Variants in WDR7 observed in about 807,000 individuals in gnomAD.
WDR7 encodes WD repeat-containing protein 7.
In WDR7, 46 loss-of-function variants were observed where a neutral mutation model predicts 169.4. That is an observed-to-expected ratio of 0.27 (90% CI 0.21 to 0.35). The LOEUF (loss-of-function observed/expected upper bound fraction) is 0.35, where lower values mean the gene tolerates loss of function less well. WDR7 is among the 10% of genes least tolerant of loss of function. The pLI is 1.00. For synonymous variants in WDR7, 612 were observed against 666.8 expected (o/e 0.92, Z 1.27); for missense variants, 1,534 against 1,859.3 (o/e 0.83, Z 3.22).
At chr18:56,868,005 G>T (rs2045905353) in intron 20 of WDR7, among the ~76,000 whole-genome samples, 1 of 152,018 alleles carries the variant, frequency 6.6e-6, no homozygotes, top group African/African-American at 2.4e-5. Context: ...ATAGAAAAAG[G>T]TCTATGAAAA....
At chr18:56,837,031 G>C (rs2045407317) in intron 20 of WDR7, among the ~76,000 whole-genome samples, 1 of 152,178 alleles carries the variant, frequency 6.6e-6, no homozygotes, top group Non-Finnish European at 1.5e-5. Flanking sequence ...TCAAGTTTAT[G>C]AGCTGACATC....
chr18:56,673,999 C>T (rs1266253376), intron 2 of WDR7, among the ~76,000 whole-genome samples: 1 of 152,104 alleles, frequency 6.6e-6, no homozygotes, highest in Non-Finnish European at 1.5e-5. Flanking sequence ...TTAAGGTTCA[C>T]CCACATTGTA....
intron 14 of WDR7, among the ~76,000 whole-genome samples, chr18:56,732,578 C>T (rs1027186779): frequency 3.3e-5 from 5 of 152,178 alleles, no homozygotes; most frequent in Non-Finnish European, 7.4e-5. Flanking sequence ...CCACATCCTC[C>T]AGTAGTTCGC....
At chr18:56,689,307 C>A (rs755037473) in intron 7 of WDR7, among the ~76,000 whole-genome samples, 13 of 152,188 alleles carry the variant, frequency 8.5e-5, no homozygotes, top group Non-Finnish European at 1.5e-4. Flanking sequence ...GTCGCCCAGG[C>A]TGGAGTGCAA....
Position 56,720,470 on chromosome 18 carries a change from A to C in WDR7, c.1774+2311A>C, listed in dbSNP as rs188560000. 7.9e-5 allele frequency among the ~76,000 whole-genome samples: 12 copies of C among 151,850 alleles called. No homozygotes were observed. In the South Asian group the frequency reaches 1.0e-3, roughly 13 times the overall value. On this transcript the variant is annotated intron_variant, in intron 13 of 27. Transcript: ENST00000254442. The stretch of plus-strand genomic sequence containing the variant: ...TCTTAAAAATAAACAAACAAAAAAA[A>C]CCCTATAACTATTAAATTAATAGCT...
At chr18:56,822,565 G>C (rs759355163) in intron 20 of WDR7, among the ~76,000 whole-genome samples, 1 of 152,134 alleles carries the variant, frequency 6.6e-6, no homozygotes, top group East Asian at 1.9e-4. Context: ...TTCCTAGCCC[G>C]GAGTCAGAGG....
At chr18:56,990,383 C>G (rs755459633) in intron 26 of WDR7, among the ~76,000 whole-genome samples, 6 of 152,190 alleles carry the variant, frequency 3.9e-5, no homozygotes, top group African/African-American at 9.6e-5. Flanking sequence ...TCTCCAGAGC[C>G]TAGTGAGAGC....
intron 26 of WDR7, among the ~76,000 whole-genome samples, chr18:57,010,591 T>G (rs2145914418): frequency 6.6e-6 from 1 of 152,342 alleles, no homozygotes; most frequent in Admixed American, 6.5e-5. Context: ...TTGTGATGTT[T>G]GGGATTTTTA....
chr18:56,786,973 G>A, intron 19 of WDR7, among the ~76,000 whole-genome samples: 1 of 151,630 alleles, frequency 6.6e-6, no homozygotes, highest in Middle Eastern at 3.4e-3. Context: ...TAATAAATAG[G>A]GATTAATGTT....
At chr18:56,981,020 A>G (rs1055267562) in intron 26 of WDR7, among the ~76,000 whole-genome samples, 1 of 152,250 alleles carries the variant, frequency 6.6e-6, no homozygotes, top group Non-Finnish European at 1.5e-5. Flanking sequence ...ATTCAGCAAG[A>G]CAAAAGTAGA....
At chr18:56,937,504 G>A (rs992472882) in intron 23 of WDR7, among the ~76,000 whole-genome samples, 13 of 152,122 alleles carry the variant, frequency 8.5e-5, no homozygotes, top group Admixed American at 4.6e-4. Flanking sequence ...CCTCTACCCC[G>A]TTTCTATGCC....
At chr18:56,737,266 T>C (rs1344219639) in intron 14 of WDR7, among the ~76,000 whole-genome samples, 1 of 152,248 alleles carries the variant, frequency 6.6e-6, no homozygotes, top group Non-Finnish European at 1.5e-5. Flanking sequence ...GGGCTGAGCA[T>C]ATCCGGTGAT....
chr18:56,880,264 A>G, intron 21 of WDR7, 99 bp downstream of exon 21: 1 of 1,178,796 alleles, frequency 8.5e-7, no homozygotes, highest in Non-Finnish European at 1.2e-6. Flanking sequence ...GTTTTAGCTC[A>G]TTTAGATTGC....
chr18:56,675,324 T>C (rs897077749), intron 2 of WDR7, among the ~76,000 whole-genome samples: 1 of 152,186 alleles, frequency 6.6e-6, no homozygotes, highest in Non-Finnish European at 1.5e-5. Context: ...TTTAACCATA[T>C]CAAATTTTCT....
chr18:56,772,294 G>C (rs2044177203), intron 16 of WDR7, among the ~76,000 whole-genome samples: 1 of 152,146 alleles, frequency 6.6e-6, no homozygotes, highest in African/African-American at 2.4e-5. Context: ...TGGGGCCCAG[G>C]AACTGGGAAA....
intron 25 of WDR7, among the ~76,000 whole-genome samples, chr18:56,939,638 C>T (rs1032757982): frequency 2.0e-5 from 3 of 152,036 alleles, no homozygotes; most frequent in Non-Finnish European, 2.9e-5. Context: ...TAAGAGAGAA[C>T]ATTCATTGAA....
At chr18:56,994,104 C>T (rs918194268) in intron 26 of WDR7, among the ~76,000 whole-genome samples, 1 of 150,904 alleles carries the variant, frequency 6.6e-6, no homozygotes, top group African/African-American at 2.4e-5. Context: ...ATTGCAGCCT[C>T]GACCTCCTGG....
intron 4 of WDR7, 35 bp from the exon 5 acceptor site, chr18:56,682,644 C>G (rs1367422006): frequency 6.3e-7 from 1 of 1,596,364 alleles, no homozygotes; most frequent in African/African-American, 1.4e-5. Flanking sequence ...AAGGAGAACA[C>G]TCAGAAATCT....
At chr18:56,848,972 C>T (rs1568229558) in intron 20 of WDR7, among the ~76,000 whole-genome samples, 1 of 152,182 alleles carries the variant, frequency 6.6e-6, no homozygotes, top group Non-Finnish European at 1.5e-5. Context: ...CTTAACTTTT[C>T]CCACTTACTA....
Sources: gnomAD v4.1 joint callset for allele counts (sites outside exome capture counted in the v4.1 genomes callset) on GRCh38, gnomAD v4.1.1 for gene constraint, MANE v1.5 for transcripts, NCBI Gene and HGNC (gene_info 2026-07-23, HGNC 2026-07-21) for gene names.